ST6GALNAC6: variants seen among roughly 807,000 people sequenced by gnomAD.
The protein encoded by ST6GALNAC6 is ST6 N-acetylgalactosaminide alpha-2,6-sialyltransferase 6, also known as alpha-N-acetylgalactosaminide alpha-2,6-sialyltransferase 6.
A neutral mutation model predicts 34.3 loss-of-function variants in ST6GALNAC6; 19 were observed. The ratio of observed to expected loss-of-function variants is 0.55; its 90% CI spans 0.39 to 0.81. The LOEUF is 0.81. Among genes scored for constraint, ST6GALNAC6 ranks in the 40% least tolerant of loss-of-function variants. The pLI, the probability that ST6GALNAC6 is intolerant of heterozygous loss-of-function variation, is 0.00. For synonymous variants in ST6GALNAC6, 185 were observed against 182.1 expected (o/e 1.02, Z -0.13); for missense variants, 377 against 467.7 (o/e 0.81, Z 1.79).
Position 127,890,536 on chromosome 9 carries a change from C to A in ST6GALNAC6, c.704+101G>T. 2.0e-6 allele frequency: 3 copies of A among 1,529,242 alleles called. No homozygotes were observed. Among genetic ancestry groups the A allele is most frequent in the South Asian group, 2.4e-5 (2 of 82,192 alleles). The allele number at this position is 1,529,242 out of a possible 1,614,324, so 94.7% of individuals were successfully genotyped here. On this transcript the variant is annotated intron_variant, in intron 5 of 6. Coordinates refer to ENST00000373146, the MANE Select transcript of ST6GALNAC6 (RefSeq NM_013443.5). This position sits in a 1 kb window ranked among gnomAD's most constrained non-coding sequence, Gnocchi z 4.3. ...ACCAGAGGACGGCGGGACTTGACTA[C>A]CCCTCAGAGCAGTGCATGCTGGGAG...
intron 1 of ST6GALNAC6, among the ~76,000 whole-genome samples, chr9:127,898,898 C>G (rs1334712562): frequency 6.6e-6 from 1 of 152,182 alleles, no homozygotes; most frequent in Non-Finnish European, 1.5e-5. Flanking sequence ...CTTGCTCACG[C>G]TGGGGAGGCG....
In ST6GALNAC6 at chr9:127,890,310, C is replaced by T. The variant is rs1830059813; in HGVS notation, c.704+327G>A. ...AACAGTCAAGACTTTACATTGGGTA[C>T]ACTATGGGGAGCTTCTCTCAGAAAG... On this transcript the variant is annotated intron_variant, in intron 5 of 6. Coordinates refer to ENST00000373146, the MANE Select transcript of ST6GALNAC6 (RefSeq NM_013443.5). The surrounding 1 kb of genome is among the most constrained non-coding windows in gnomAD (Gnocchi z 4.3). Among the ~76,000 whole-genome samples the T allele has an allele frequency of 6.6e-6, 1 of 152,130 alleles. No homozygotes were observed. The highest frequency in any genetic ancestry group is 2.1e-4 in the South Asian group (1 of 4,830).
Position 127,891,074 on chromosome 9 carries a change from G to A in ST6GALNAC6, c.298-31C>T, listed in dbSNP as rs77105665. 9.0e-4 allele frequency: 1,453 copies of A among 1,607,874 alleles called. 16 individuals carry two copies. The African/African-American group carries it at 0.017, about 19-fold the overall frequency. On this transcript the variant is annotated intron_variant, in intron 4 of 6. Transcript: ENST00000373146. ...GGATAAGGAAAGTCAACATTATCAC[G>A]GCCACTCTGTGCTGGCCCTGTGCTC... is the stretch of plus-strand genomic sequence containing the variant.
At chr9:127,902,758 T>A (rs1317480962), upstream of ST6GALNAC6, among the ~76,000 whole-genome samples, 2 of 150,542 alleles carry the variant, frequency 1.3e-5, no homozygotes, top group East Asian at 3.9e-4. Context: ...TCGGCTAATT[T>A]TGTATTTTTA....
chr9:127,902,564 A>ACAT (rs1554821276), upstream of ST6GALNAC6, among the ~76,000 whole-genome samples: 3 of 140,756 alleles, frequency 2.1e-5, no homozygotes, highest in African/African-American at 8.7e-5. Flanking sequence ...GATAATGGTC[A>ACAT]CATTATTATT....
upstream of ST6GALNAC6, chr9:127,906,061 T>A: frequency 1.0e-6 from 1 of 980,190 alleles, no homozygotes; most frequent in Non-Finnish European, 1.2e-6. Flanking sequence ...TGGGTCCACC[T>A]GGCACTGGGC....
chr9:127,905,372 C>A, upstream of ST6GALNAC6: 1 of 985,604 alleles, frequency 1.0e-6, no homozygotes, highest in Non-Finnish European at 1.2e-6. Flanking sequence ...TCACCACCCC[C>A]AGAAAGACAC....
chr9:127,887,724 C>A lies in ST6GALNAC6; in HGVS notation c.705-133G>T, dbSNP rs1344242255. 3 of 698,506 alleles carry A rather than the reference C, an allele frequency of 4.3e-6. No homozygotes were observed. In the Middle Eastern group the frequency reaches 8.5e-4, roughly 198 times the overall value. 43.3% of individuals were successfully genotyped at this position (698,506 alleles called of 1,614,324 possible). A position where few individuals can be genotyped will look rare whatever the true frequency, so the allele number is the denominator to read the frequency against. ...CAGGGCCCCACTCCCACTTTGGTTA[C>A]CCCAAGTCCAGCCTCGCTGATGGGA... On this transcript the variant is annotated intron_variant, in intron 5 of 6. Transcript: ENST00000373146.
At position 127,886,739 on chromosome 9, in the gene ST6GALNAC6, C is replaced by T. The variant is rs1266033815; in HGVS notation, c.862G>A (p.Gly288Arg). Residue 288 changes from glycine to arginine, a missense_variant, in exon 7 of 7, where the codon GGG becomes AGG. By Grantham distance (125) the Gly-to-Arg change is moderately radical (BLOSUM62 -2). Coordinates refer to ENST00000373146, the MANE Select transcript of ST6GALNAC6 (RefSeq NM_013443.5). ...ATGTAGGTGACACATTCGTCCGGCC[C>T]CTTGGGCTCGTAGTAGTGGTAGGGC... ...RMPYHYYEPK[G>R]PDECVTYIQN... 6.2e-7 allele frequency: 1 copy of T among 1,613,332 alleles called. No individual in the cohort carries two copies. The highest frequency in any genetic ancestry group is 1.1e-5 in the South Asian group (1 of 91,048).
intron 4 of ST6GALNAC6, among the ~76,000 whole-genome samples, chr9:127,891,474 A>C (rs978365543): frequency 4.0e-5 from 6 of 151,478 alleles, no homozygotes; most frequent in Admixed American, 6.6e-5. Flanking sequence ...AAAATTAGCC[A>C]GGCGTGGTGG....
At chr9:127,886,910 G>T (rs1038508983) in intron 6 of ST6GALNAC6, 122 bp from the exon 7 acceptor site, 1 of 1,012,500 alleles carries the variant, frequency 9.9e-7, no homozygotes, top group Non-Finnish European at 1.4e-6. Flanking sequence ...CTGGGGCCTC[G>T]GTTTCCCCAT....
At chr9:127,892,122 G>T (rs1055609583) in intron 4 of ST6GALNAC6, among the ~76,000 whole-genome samples, 43 of 152,162 alleles carry the variant, frequency 2.8e-4, no homozygotes, top group African/African-American at 8.9e-4. Context: ...TTGCACTCCA[G>T]CCTGGGCAAC....
chr9:127,905,919 T>C (rs1830905549), upstream of ST6GALNAC6: 2 of 984,950 alleles, frequency 2.0e-6, no homozygotes, highest in African/African-American at 1.7e-5. Flanking sequence ...CCTACCAGAC[T>C]CCATCCCGCC....
chr9:127,888,599 G>A (rs371933549), intron 5 of ST6GALNAC6, among the ~76,000 whole-genome samples: 1 of 150,704 alleles, frequency 6.6e-6, no homozygotes, highest in Admixed American at 6.6e-5. Context: ...ACGAAGTCAA[G>A]AGATTGAGAC....
intron 5 of ST6GALNAC6, among the ~76,000 whole-genome samples, chr9:127,889,125 G>A (rs1389734497): frequency 6.6e-6 from 1 of 152,088 alleles, no homozygotes; most frequent in Admixed American, 6.5e-5. Flanking sequence ...AAGGCAGGTG[G>A]ATCGCCTGAG....
intron 4 of ST6GALNAC6, among the ~76,000 whole-genome samples, chr9:127,893,829 G>T (rs1355396220): frequency 6.6e-6 from 1 of 152,182 alleles, no homozygotes; most frequent in Non-Finnish European, 1.5e-5. Flanking sequence ...GCATGCGAAG[G>T]CCCTGAAGAA....
Position 127,896,251 on chromosome 9 carries a change from A to C in ST6GALNAC6, c.108T>G (p.Ser36Arg). The C allele has an allele frequency of 6.2e-7, 1 of 1,613,908 alleles. No individual in the cohort carries two copies. The highest frequency in any genetic ancestry group is 8.5e-7 in the Non-Finnish European group (1 of 1,179,920). The change falls in exon 3 of 7, where the codon AGT (serine) becomes AGG (arginine). Residue 36 changes from serine to arginine, a missense_variant. Transcript: ENST00000373146. ...ATGAAGGCAGACTTACTTTGTTGCT[A>C]CTCATTTCTCTCCGGCGTCTGCTGA... ...LPLSRRRREMSSNKEQRSAVF... is the reference protein window; with the variant it reads ...LPLSRRRREMRSNKEQRSAVF...
chr9:127,902,299 C>T (rs1304258655), upstream of ST6GALNAC6, among the ~76,000 whole-genome samples: 1 of 151,798 alleles, frequency 6.6e-6, no homozygotes, highest in East Asian at 2.0e-4. Context: ...GCTGGGACTA[C>T]AGGCGCGGGC....
intron 5 of ST6GALNAC6, among the ~76,000 whole-genome samples, chr9:127,888,838 C>CAAACAAACA (rs1829958721): frequency 1.3e-5 from 2 of 151,012 alleles, no homozygotes; most frequent in African/African-American, 4.9e-5. Context: ...AACAAACAAA[C>CAAACAAACA]AAACACTGAA....
Sources: gnomAD v4.1 joint callset for allele counts (sites outside exome capture counted in the v4.1 genomes callset) on GRCh38, gnomAD v4.1.1 for gene constraint, Gnocchi (gnomAD v3.1) non-coding constraint, MANE v1.5 for transcripts, NCBI Gene and HGNC (gene_info 2026-07-23, HGNC 2026-07-21) for gene names.